DLGAP1: variants seen among roughly 807,000 people sequenced by gnomAD.
The protein encoded by DLGAP1 is DLG associated protein 1, also known as disks large-associated protein 1.
DLGAP1 carries 11 observed loss-of-function variants against 90.8 expected under a neutral mutation model. The observed-to-expected ratio is 0.12, with a 90% CI of 0.08 to 0.20. The LOEUF is 0.20. Among genes scored for constraint, DLGAP1 ranks in the 10% least tolerant of loss-of-function variants. DLGAP1 has a pLI of 1.00. For synonymous variants in DLGAP1, 558 were observed against 540.7 expected, an observed-to-expected ratio of 1.03 and a Z score of -0.44; for missense variants, 1,050 against 1,333.8, an observed-to-expected ratio of 0.79 and a Z score of 3.31.
intron 5 of DLGAP1, among the ~76,000 whole-genome samples, chr18:3,759,719 G>A (rs776247440): frequency 1.3e-5 from 2 of 152,216 alleles, no homozygotes; most frequent in Admixed American, 6.5e-5. Flanking sequence ...TGTAATTCAT[G>A]TTAAGCTTAT....
At chr18:4,227,314 C>T (rs1349955484) in intron 1 of DLGAP1, among the ~76,000 whole-genome samples, 1 of 151,606 alleles carries the variant, frequency 6.6e-6, no homozygotes, top group Non-Finnish European at 1.5e-5. Flanking sequence ...GAAAAATCAA[C>T]AAAACATTGG....
intron 2 of DLGAP1, among the ~76,000 whole-genome samples, chr18:4,089,913 C>T (rs1014822565): frequency 5.3e-5 from 8 of 152,086 alleles, no homozygotes; most frequent in Admixed American, 2.0e-4. Flanking sequence ...GGTGCGGTGG[C>T]GGGCTCCTGT....
At chr18:4,404,058 G>C (rs1049460499) in intron 1 of DLGAP1, among the ~76,000 whole-genome samples, 2 of 152,194 alleles carry the variant, frequency 1.3e-5, no homozygotes, top group Non-Finnish European at 2.9e-5. Flanking sequence ...AGCGCCTGCA[G>C]AGATACCACA....
At position 4,182,187 on chromosome 18, in the gene DLGAP1, C is replaced by A. The variant is rs534516922; in HGVS notation, c.-266-30900G>T. ...ATGGGAAACCAGAATACGCTACACCCAAATGTGCCTCTTTGGCAGAAGTCT... is the reference window on the plus strand; with the variant it reads ...ATGGGAAACCAGAATACGCTACACCAAAATGTGCCTCTTTGGCAGAAGTCT... On this transcript the variant is annotated intron_variant, in intron 1 of 12. Coordinates refer to ENST00000315677, the MANE Select transcript of DLGAP1 (RefSeq NM_004746.4). 1.9e-4 allele frequency among the ~76,000 whole-genome samples: 29 copies of A among 152,214 alleles called. No individual in the cohort carries two copies. The South Asian group carries it at 6.0e-3, about 32-fold the overall frequency.
chr18:3,977,839 T>C, intron 3 of DLGAP1: 1 of 392,406 alleles, frequency 2.5e-6, no homozygotes, highest in Admixed American at 3.0e-5. Context: ...CAGGATGCCC[T>C]CAAGGGTCCC....
At chr18:3,705,807 T>C (rs2061413685) in intron 7 of DLGAP1, among the ~76,000 whole-genome samples, 1 of 151,472 alleles carries the variant, frequency 6.6e-6, no homozygotes, top group South Asian at 2.1e-4. Context: ...CACAGGCCTG[T>C]GCTACCACGC....
At chr18:3,916,246 T>C (rs2072141258) in intron 3 of DLGAP1, among the ~76,000 whole-genome samples, 2 of 152,160 alleles carry the variant, frequency 1.3e-5, no homozygotes, top group Non-Finnish European at 2.9e-5. Flanking sequence ...AAATCTGTTT[T>C]TGTGCCCGTG....
chr18:3,976,342 A>G (rs1327624673), intron 3 of DLGAP1, among the ~76,000 whole-genome samples: 1 of 120,624 alleles, frequency 8.3e-6, no homozygotes, highest in South Asian at 3.2e-4. Flanking sequence ...GGGCAACAAG[A>G]GCAAAACTCT....
At chr18:4,327,324 G>A (rs188839735) in intron 1 of DLGAP1, among the ~76,000 whole-genome samples, 1 of 151,866 alleles carries the variant, frequency 6.6e-6, no homozygotes, top group East Asian at 1.9e-4. Context: ...ATTACATCCT[G>A]TACCCCTAAA....
At chr18:3,874,309 C>T in intron 4 of DLGAP1, 8 of 1,542,376 alleles carry the variant, frequency 5.2e-6, no homozygotes, top group Non-Finnish European at 7.0e-6. Flanking sequence ...CTCTGTCTCT[C>T]TCTCTCCACT....
intron 3 of DLGAP1, among the ~76,000 whole-genome samples, chr18:3,956,035 T>G (rs1948802583): frequency 6.6e-6 from 1 of 152,202 alleles, no homozygotes; most frequent in South Asian, 2.1e-4. Context: ...TGGTTGAAAT[T>G]TGATGAAAAC....
At chr18:4,269,558 G>A (rs559069851) in intron 1 of DLGAP1, among the ~76,000 whole-genome samples, 8 of 151,848 alleles carry the variant, frequency 5.3e-5, no homozygotes, top group Admixed American at 2.0e-4. Context: ...GTTTCACCGT[G>A]TTAGCCAGGA....
intron 1 of DLGAP1, among the ~76,000 whole-genome samples, chr18:4,452,358 T>C (rs2083855594): frequency 1.3e-5 from 2 of 152,196 alleles, no homozygotes; most frequent in Admixed American, 1.3e-4. Context: ...ATGGTATTCA[T>C]CTCGATTAAG....
chr18:3,685,753 T>C (rs77315382), intron 7 of DLGAP1, among the ~76,000 whole-genome samples: 17,835 of 152,056 alleles, frequency 0.12, 1,215 homozygotes, highest in Non-Finnish European at 0.15. Context: ...CCCAAGATGC[T>C]ACCCTTTAAA....
intron 1 of DLGAP1, among the ~76,000 whole-genome samples, chr18:4,241,890 TTTAA>T (rs1220573474): frequency 2.0e-5 from 3 of 152,224 alleles, no homozygotes; most frequent in Non-Finnish European, 4.4e-5. Flanking sequence ...TAAATTTATT[TTTAA>T]TTGATAATAA....
intron 7 of DLGAP1, among the ~76,000 whole-genome samples, chr18:3,688,161 T>A (rs975699461): frequency 6.6e-6 from 1 of 152,164 alleles, no homozygotes; most frequent in African/African-American, 2.4e-5. Flanking sequence ...TCCAACGGCC[T>A]CGGCCTCCCA....
chr18:4,014,739 T>C (rs568342719), intron 2 of DLGAP1, among the ~76,000 whole-genome samples: 1 of 152,304 alleles, frequency 6.6e-6, no homozygotes, highest in Non-Finnish European at 1.5e-5. Flanking sequence ...AATTATAGTG[T>C]AAATATTAGA....
chr18:3,565,921 C>T lies in DLGAP1; in HGVS notation c.2057+1569G>A, dbSNP rs1408736191. ...TAAAAGAAAAAAGTCACTCCTAAAC[C>T]TACCATTTGTACGTATTACATTTCA... On this transcript the variant is annotated intron_variant, in intron 9 of 12. Coordinates refer to ENST00000315677, the MANE Select transcript of DLGAP1 (RefSeq NM_004746.4). The surrounding 1 kb of genome is among the most constrained non-coding windows in gnomAD (Gnocchi z 4.0). Among the ~76,000 whole-genome samples, 1 of 152,038 alleles carries T rather than the reference C, an allele frequency of 6.6e-6. No homozygotes were observed. Among genetic ancestry groups the T allele is most frequent in the Non-Finnish European group, 1.5e-5 (1 of 67,998 alleles).
chr18:4,453,847 G>T (rs1431468685), intron 1 of DLGAP1, among the ~76,000 whole-genome samples: 1 of 152,190 alleles, frequency 6.6e-6, no homozygotes, highest in Non-Finnish European at 1.5e-5. Context: ...AGTAAGGAGT[G>T]AAGAGTCTCG....
Sources: allele counts gnomAD v4.1 joint callset (sites outside exome capture counted in the v4.1 genomes callset), GRCh38; gene constraint gnomAD v4.1.1; non-coding constraint Gnocchi (gnomAD v3.1); transcripts MANE v1.5; gene names NCBI Gene and HGNC (gene_info 2026-07-23, HGNC 2026-07-21).